ESRRG: variants seen among roughly 807,000 people sequenced by gnomAD.
The protein encoded by ESRRG is estrogen related receptor gamma.
ESRRG carries 13 observed loss-of-function variants against 44.0 expected under a neutral mutation model. The ratio of observed to expected loss-of-function variants is 0.30; its 90% CI spans 0.19 to 0.47. The LOEUF is 0.47. ESRRG is among the 20% of genes least tolerant of loss of function. The probability of loss-of-function intolerance (pLI) is 1.00; values close to 1 mark genes in which losing one functional copy is unlikely to be tolerated. For synonymous variants in ESRRG, 215 were observed against 214.6 expected, an observed-to-expected ratio of 1.00 and a Z score of -0.02; for missense variants, 395 against 580.6, an observed-to-expected ratio of 0.68 and a Z score of 3.29.
chr1:216,673,236 C>A (rs777956948), intron 2 of ESRRG, among the ~76,000 whole-genome samples: 1 of 152,232 alleles, frequency 6.6e-6, no homozygotes, highest in African/African-American at 2.4e-5. Context: ...CAACTGCTAT[C>A]ACTACCGTAT....
intron 5 of ESRRG, among the ~76,000 whole-genome samples, chr1:216,545,231 T>G (rs911220196): frequency 1.2e-5 from 1 of 82,172 alleles, no homozygotes; most frequent in African/African-American, 3.7e-5. Flanking sequence ...AATTTTTATG[T>G]TTTTTTTTTT....
intron 1 of ESRRG, chr1:216,707,530 G>A: frequency 6.7e-7 from 1 of 1,502,358 alleles, no homozygotes; most frequent in South Asian, 1.3e-5. Flanking sequence ...GTTGCAATTT[G>A]CTGAAGTTTT....
intron 2 of ESRRG, among the ~76,000 whole-genome samples, chr1:216,902,074 C>T (rs2059141319): frequency 6.6e-6 from 1 of 152,172 alleles, no homozygotes; most frequent in Non-Finnish European, 1.5e-5. Flanking sequence ...ATCTGAAGTT[C>T]ATCTACATGA....
intron 5 of ESRRG, among the ~76,000 whole-genome samples, chr1:216,527,364 C>T (rs2047980512): frequency 6.6e-6 from 1 of 152,100 alleles, no homozygotes; most frequent in South Asian, 2.1e-4. Context: ...TTCCATCCTA[C>T]CCAGGGCTAG....
rs955716643 is a variant in ESRRG at position 216,857,531 on chromosome 1, A to G, written c.-14+82051T>C. On this transcript the variant is annotated intron_variant, in intron 2 of 7. Transcript: ENST00000359162. ...AATGCACCAATATCACCCACATACTATCATATTTAAAAATAAACATTAAAA... is the reference window on the plus strand; with the variant it reads ...AATGCACCAATATCACCCACATACTGTCATATTTAAAAATAAACATTAAAA... Among the ~76,000 whole-genome samples, 6 of 152,176 alleles carry G rather than the reference A, an allele frequency of 3.9e-5. No individual in the cohort carries two copies. The East Asian group carries it at 1.2e-3, about 29-fold the overall frequency.
At chr1:216,694,928 C>T (rs11572678) in intron 1 of ESRRG, among the ~76,000 whole-genome samples, 1 of 152,126 alleles carries the variant, frequency 6.6e-6, no homozygotes, top group Non-Finnish European at 1.5e-5. Context: ...TCATTCCTAT[C>T]ATGTTTTAAG....
chr1:217,030,326 C>G, intron 1 of ESRRG, among the ~76,000 whole-genome samples: 1 of 152,126 alleles, frequency 6.6e-6, no homozygotes, highest in East Asian at 1.9e-4. Context: ...AGACACTGAG[C>G]CACGCATGGG....
chr1:216,725,033 C>T (rs2087203487), upstream of ESRRG, among the ~76,000 whole-genome samples: 1 of 152,108 alleles, frequency 6.6e-6, no homozygotes, highest in Non-Finnish European at 1.5e-5. Flanking sequence ...TAGGACTCAA[C>T]TCCCTTAACC....
intron 1 of ESRRG, among the ~76,000 whole-genome samples, chr1:217,042,541 A>G (rs1342943978): frequency 1.3e-5 from 2 of 151,286 alleles, no homozygotes; most frequent in Non-Finnish European, 2.9e-5. Context: ...ATCCTGCAGC[A>G]GTAAGAGAAC....
intron 1 of ESRRG, among the ~76,000 whole-genome samples, chr1:217,041,634 G>C (rs10863290): frequency 6.6e-6 from 1 of 151,944 alleles, no homozygotes. Flanking sequence ...CAGTATATAT[G>C]GTTTTTGTTT....
chr1:216,832,482 C>G (rs898929238), intron 2 of ESRRG, among the ~76,000 whole-genome samples: 1 of 152,108 alleles, frequency 6.6e-6, no homozygotes, highest in East Asian at 1.9e-4. Context: ...TGTTGTATAA[C>G]CCTTTACATA....
intron 2 of ESRRG, among the ~76,000 whole-genome samples, chr1:216,858,197 G>A (rs2095984491): frequency 1.6e-5 from 2 of 127,618 alleles, no homozygotes; most frequent in African/African-American, 3.8e-5. Flanking sequence ...CAGCACTTTG[G>A]GAGGCCGAGG....
chr1:216,741,823 G>C (rs1184552484), intron 2 of ESRRG, among the ~76,000 whole-genome samples: 1 of 152,104 alleles, frequency 6.6e-6, no homozygotes, highest in East Asian at 1.9e-4. Context: ...GTACATGGGT[G>C]CTTGGAATAC....
At chr1:216,644,797 A>G (rs2067198988) in intron 3 of ESRRG, among the ~76,000 whole-genome samples, 1 of 152,182 alleles carries the variant, frequency 6.6e-6, no homozygotes, top group African/African-American at 2.4e-5. Flanking sequence ...TCAATAAAAC[A>G]CATAACTATC....
intron 5 of ESRRG, among the ~76,000 whole-genome samples, chr1:216,541,914 C>G (rs143754934): frequency 2.6e-5 from 4 of 151,838 alleles, no homozygotes; most frequent in African/African-American, 7.3e-5. Context: ...TTCCTGGGAG[C>G]TTTGACTACT....
At chr1:217,081,011 G>A (rs1422959443) in intron 1 of ESRRG, among the ~76,000 whole-genome samples, 1 of 151,886 alleles carries the variant, frequency 6.6e-6, no homozygotes, top group African/African-American at 2.4e-5. Flanking sequence ...CAAAAGTGTA[G>A]AGTTTTGTTG....
intron 1 of ESRRG, among the ~76,000 whole-genome samples, chr1:216,980,449 A>C (rs1044647562): frequency 3.3e-5 from 5 of 152,164 alleles, no homozygotes; most frequent in Admixed American, 6.6e-5. Flanking sequence ...ATGGCACCAT[A>C]GCTTACTAAT....
intron 1 of ESRRG, among the ~76,000 whole-genome samples, chr1:217,020,327 T>A (rs1217676772): frequency 2.6e-5 from 4 of 152,212 alleles, no homozygotes; most frequent in Non-Finnish European, 4.4e-5. Context: ...TACTCACTTG[T>A]CCATCAGACA....
intron 3 of ESRRG, among the ~76,000 whole-genome samples, chr1:216,570,895 T>C (rs2060656201): frequency 6.6e-6 from 1 of 152,196 alleles, no homozygotes; most frequent in African/African-American, 2.4e-5. Context: ...TAGCAATATG[T>C]CCTCATATAT....
Sources: gnomAD v4.1 joint callset for allele counts (sites outside exome capture counted in the v4.1 genomes callset) on GRCh38, gnomAD v4.1.1 for gene constraint, MANE v1.5 for transcripts, NCBI Gene and HGNC (gene_info 2026-07-23, HGNC 2026-07-21) for gene names.